NOTCH2: variants seen among roughly 807,000 people sequenced by gnomAD.
The protein encoded by NOTCH2 is notch receptor 2.
Under a neutral mutation model 235.8 loss-of-function variants are expected in NOTCH2, and 29 were observed. The ratio of observed to expected loss-of-function variants is 0.12; its 90% CI spans 0.09 to 0.17. NOTCH2 has a LOEUF of 0.17. Among genes scored for constraint, NOTCH2 ranks in the 10% least tolerant of loss-of-function variants. The pLI, the probability that NOTCH2 is intolerant of heterozygous loss-of-function variation, is 1.00. For synonymous variants in NOTCH2, 1,086 were observed against 1,141.5 expected (o/e 0.95, Z 0.98); for missense variants, 2,285 against 3,150.2 (o/e 0.73, Z 6.57).
rs184162612 is a variant in NOTCH2 at position 119,928,218 on chromosome 1, G to A, written c.3892+758C>T. 2.3e-3 allele frequency among the ~76,000 whole-genome samples: 351 copies of A among 152,286 alleles called. No homozygotes were observed. In the Middle Eastern group the frequency reaches 0.024, roughly 10 times the overall value. On this transcript the variant is annotated intron_variant, in intron 23 of 33. Transcript: ENST00000256646. ...CTGAGGCAGAGCTTGGTCATCTTCA[G>A]GCCCTGTGATGAAAGAAAGAAGCTT...
rs1553199818 is a variant in NOTCH2 at position 119,967,499 on chromosome 1, C to A, written c.1387G>T (p.Asp463Tyr). Residue 463 changes from aspartate (D) to tyrosine (Y), a missense_variant, in exon 8 of 34, where the codon GAC becomes TAC. Asp to Tyr is a radical substitution (Grantham distance 160). This residue lies in a region of NOTCH2 where 431 missense variants were observed against 757.8 expected (regional missense o/e 0.57). Coordinates refer to ENST00000256646, the MANE Select transcript of NOTCH2 (RefSeq NM_024408.4). The part of the protein sequence containing the change: ...CEMDINECHS[D>Y]PCQNDATCLD... The stretch of plus-strand genomic sequence containing the variant: ...CAGGTAGCATCATTCTGGCAGGGGT[C>A]TGAATGGCACTCATTGATGTCCATC... 2 of 1,614,120 alleles carry A rather than the reference C, an allele frequency of 1.2e-6. No homozygotes were observed. Among genetic ancestry groups the A allele is most frequent in the Non-Finnish European group, 1.7e-6 (2 of 1,179,984 alleles).
At chr1:120,065,518 G>A (rs1327674099) in intron 1 of NOTCH2, among the ~76,000 whole-genome samples, 2 of 152,318 alleles carry the variant, frequency 1.3e-5, no homozygotes, top group African/African-American at 4.8e-5. Flanking sequence ...ATGAGGCACT[G>A]GACACCAGAA....
At chr1:119,927,293 C>T (rs1649508292) in intron 23 of NOTCH2, among the ~76,000 whole-genome samples, 2 of 152,086 alleles carry the variant, frequency 1.3e-5, no homozygotes, top group African/African-American at 2.4e-5. Context: ...CCCATTTGGC[C>T]GGTGGTCACT....
chr1:119,934,176 G>A (rs1206778779), intron 22 of NOTCH2, among the ~76,000 whole-genome samples: 1 of 152,188 alleles, frequency 6.6e-6, no homozygotes, highest in African/African-American at 2.4e-5. Flanking sequence ...TGGAGGTGGG[G>A]CCTAATGGGA....
At chr1:120,045,507 T>A (rs1654749065) in intron 1 of NOTCH2, among the ~76,000 whole-genome samples, 1 of 142,428 alleles carries the variant, frequency 7.0e-6, no homozygotes, top group African/African-American at 2.8e-5. Context: ...TACCAAGCCC[T>A]AACTCTAGCT....
intron 14 of NOTCH2, among the ~76,000 whole-genome samples, 172 bp downstream of exon 14, chr1:119,953,371 A>T (rs1650559436): frequency 6.6e-6 from 1 of 152,210 alleles, no homozygotes; most frequent in African/African-American, 2.4e-5. Context: ...TGAAGGTAGA[A>T]ATTGTATCTA....
At chr1:119,950,458 T>C (rs1553197588) in intron 15 of NOTCH2, 2 of 599,828 alleles carry the variant, frequency 3.3e-6, no homozygotes, top group East Asian at 7.1e-5. Context: ...TCTATGTGCC[T>C]GGTTCCAGCC....
Position 119,915,725 on chromosome 1 carries a change from C to T in NOTCH2, c.6997G>A (p.Ala2333Thr), listed in dbSNP as rs143506822. 1.2e-5 allele frequency: 20 copies of T among 1,608,350 alleles called. No individual in the cohort carries two copies. Among genetic ancestry groups the T allele is most frequent in the Non-Finnish European group, 1.4e-5 (17 of 1,176,296 alleles). The change falls in exon 34 of 34, where the codon GCG (alanine) becomes ACG (threonine). Residue 2333 changes from alanine (A) to threonine (T), a missense_variant. Ala to Thr is a moderately conservative substitution (Grantham distance 58). Around this residue, in one of 6 missense-constraint regions of NOTCH2, gnomAD observed 504 missense variants for 538.0 expected, o/e 0.94. Transcript: ENST00000256646. ...QPQSTCPPAV[A>T]GPLPTMYQIP... ...TGGTACATGGTGGGCAGGGGGCCCG[C>T]AACAGCTGGAGGGCAGGTGGACTGA... is the stretch of plus-strand genomic sequence containing the variant.
chr1:119,987,005 C>T lies in NOTCH2; in HGVS notation c.829G>A (p.Asp277Asn), dbSNP rs2101184930. 1 of 1,613,812 alleles carries T rather than the reference C, an allele frequency of 6.2e-7. No homozygotes were observed. Among genetic ancestry groups the T allele is most frequent in the Non-Finnish European group, 8.5e-7 (1 of 1,179,738 alleles). ...CGGCAGTTGTAAGTGTTGACCCCAT[C>T]CACACAAACCCCTCCATTCTGACAC... is the stretch of plus-strand genomic sequence containing the variant. ...HRCQNGGVCV[D>N]GVNTYNCRCP... The change falls in exon 5 of 34, where the codon GAT (aspartate) becomes AAT (asparagine). Residue 277 changes from aspartate (D) to asparagine (N), a missense_variant. By Grantham distance (23) the Asp-to-Asn change is conservative. This residue lies in a region of NOTCH2 where 431 missense variants were observed against 757.8 expected (regional missense o/e 0.57). Coordinates refer to ENST00000256646, the MANE Select transcript of NOTCH2 (RefSeq NM_024408.4).
At position 119,985,586 on chromosome 1, in the gene NOTCH2, G is replaced by A. The variant is rs587601172; in HGVS notation, c.874+1374C>T. Among the ~76,000 whole-genome samples the A allele has an allele frequency of 2.0e-5, 3 of 152,220 alleles. No homozygotes were observed. In the East Asian group the frequency reaches 5.8e-4, roughly 29 times the overall value. ...GCATCAGAAGCCTCAGTACTACACA[G>A]TTACTGTCTCACAGAGCAAGGGAGA... On this transcript the variant is annotated intron_variant, in intron 5 of 33. Transcript: ENST00000256646.
At chr1:119,976,359 T>C (rs1651580552) in intron 5 of NOTCH2, 1 of 150,904 alleles carries the variant, frequency 6.6e-6, no homozygotes, top group African/African-American at 2.5e-5. Context: ...CAAGCTTGAG[T>C]GTCCCATCAC....
chr1:119,928,784 T>C (rs1649556627), intron 23 of NOTCH2, among the ~76,000 whole-genome samples, 192 bp downstream of exon 23: 1 of 152,136 alleles, frequency 6.6e-6, no homozygotes, highest in Non-Finnish European at 1.5e-5. Context: ...TAGGAAAAAT[T>C]AAAGGTAGAC....
rs1690012 is a variant in NOTCH2, at chr1:120,015,038, A to C, written c.156-9450T>G. ...AACGAGGATTTGGCCATTCAAAAAA[A>C]AACAACAACAACAACAAAGCAAAAT... On this transcript the variant is annotated intron_variant, in intron 2 of 33. Coordinates refer to ENST00000256646, the MANE Select transcript of NOTCH2 (RefSeq NM_024408.4). 4.8e-3 allele frequency among the ~76,000 whole-genome samples: 728 copies of C among 150,794 alleles called. 1 individual carries two copies. Among genetic ancestry groups the C allele is most frequent in the East Asian group, 0.019 (96 of 5,130 alleles).
At chr1:119,985,507 G>A (rs1439680269) in intron 5 of NOTCH2, among the ~76,000 whole-genome samples, 1 of 152,132 alleles carries the variant, frequency 6.6e-6, no homozygotes, top group Non-Finnish European at 1.5e-5. Flanking sequence ...GAAACCAAGT[G>A]TAGTATCGAA....
chr1:119,969,306 G>A (rs1322138014), intron 6 of NOTCH2, among the ~76,000 whole-genome samples: 1 of 152,230 alleles, frequency 6.6e-6, no homozygotes, highest in Admixed American at 6.5e-5. Context: ...AGTATGTAGA[G>A]TTGAGAAGAG....
At position 119,937,841 on chromosome 1, in the gene NOTCH2, AG is replaced by A; in HGVS notation, c.3337+15del. ...TACTGCAGTGAATGACCTGAGCCCA[AG>A]GGAGCAAAGCTTACCTCTCCTGGAG... On this transcript the variant is annotated intron_variant, in intron 20 of 33. Coordinates refer to ENST00000256646, the MANE Select transcript of NOTCH2 (RefSeq NM_024408.4). The A allele has an allele frequency of 1.2e-6, 2 of 1,614,138 alleles. No homozygotes were observed. The highest frequency in any genetic ancestry group is 1.7e-6 in the Non-Finnish European group (2 of 1,180,000).
At chr1:119,923,343 A>C (rs587703255) in intron 26 of NOTCH2, among the ~76,000 whole-genome samples, 1 of 152,306 alleles carries the variant, frequency 6.6e-6, no homozygotes, top group African/African-American at 2.4e-5. Context: ...GTAAAAAGGA[A>C]TGTCACTAAT....
Position 119,914,982 on chromosome 1 carries a change from C to G in NOTCH2, c.*324G>C, listed in dbSNP as rs926674235. 2.2e-6 allele frequency: 1 copy of G among 454,156 alleles called. No individual in the cohort carries two copies. Among genetic ancestry groups the G allele is most frequent in the African/African-American group, 1.9e-5 (1 of 51,418 alleles). The allele number at this position is 454,156 out of a possible 1,614,324, so 28.1% of individuals were successfully genotyped here. A position where few individuals can be genotyped will look rare whatever the true frequency, so the allele number is the denominator to read the frequency against. On this transcript the variant is annotated 3_prime_UTR_variant, in exon 34 of 34. Coordinates refer to ENST00000256646, the MANE Select transcript of NOTCH2 (RefSeq NM_024408.4). ...AAGCCTGCAGGGCTTAAAATGCAGT[C>G]CAAGCTGCAAGAATGTCTGGGCTTC... is the stretch of plus-strand genomic sequence containing the variant.
chr1:119,948,770 A>G (rs1650351617), intron 16 of NOTCH2, among the ~76,000 whole-genome samples: 1 of 152,144 alleles, frequency 6.6e-6, no homozygotes, highest in African/African-American at 2.4e-5. Context: ...AATGAACATC[A>G]TGGCTTGTGA....
Sources: gnomAD v4.1 joint callset for allele counts (sites outside exome capture counted in the v4.1 genomes callset) on GRCh38, gnomAD v4.1.1 for gene constraint, gnomAD v4.1.1 regional missense constraint, MANE v1.5 for transcripts, NCBI Gene and HGNC (gene_info 2026-07-23, HGNC 2026-07-21) for gene names.